The following SLC8A1 variants were observed in gnomAD, a reference collection of about 807,000 sequenced individuals.
The protein encoded by SLC8A1 is sodium/calcium exchanger 1.
Under a neutral mutation model 68.3 loss-of-function variants are expected in SLC8A1, and 18 were observed. The observed-to-expected ratio is 0.26, with a 90% CI of 0.18 to 0.39. SLC8A1 has a LOEUF of 0.39. Ranked by LOEUF, SLC8A1 falls within the 10% of genes least tolerant of loss-of-function variation. SLC8A1 has a pLI of 1.00. For missense variants in SLC8A1, 985 were observed against 1,156.7 expected, an observed-to-expected ratio of 0.85 and a Z score of 2.15; for synonymous variants, 475 against 415.5, an observed-to-expected ratio of 1.14 and a Z score of -1.74.
chr2:40,257,767 G>A (rs1390928428), intron 2 of SLC8A1, among the ~76,000 whole-genome samples: 1 of 152,202 alleles, frequency 6.6e-6, no homozygotes, highest in African/African-American at 2.4e-5. Flanking sequence ...GAACCAAATT[G>A]TCCTTTTTCT....
chr2:40,284,673 C>T (rs1187179031), intron 2 of SLC8A1, among the ~76,000 whole-genome samples: 3 of 134,502 alleles, frequency 2.2e-5, no homozygotes, highest in Admixed American at 7.6e-5. Flanking sequence ...TATATATATA[C>T]ACACACACAA....
At chr2:40,253,126 C>CATGTATATAT (rs1558968482) in intron 2 of SLC8A1, among the ~76,000 whole-genome samples, 1 of 107,508 alleles carries the variant, frequency 9.3e-6, no homozygotes, top group Non-Finnish European at 1.8e-5. Context: ...TACATATATA[C>CATGTATATAT]ACGTATATAT....
intron 2 of SLC8A1, among the ~76,000 whole-genome samples, chr2:40,239,832 C>A (rs1351720821): frequency 6.6e-6 from 1 of 152,136 alleles, no homozygotes; most frequent in East Asian, 1.9e-4. Context: ...TTTCAGTATC[C>A]TCCTTAGTGT....
intron 2 of SLC8A1, among the ~76,000 whole-genome samples, chr2:40,179,627 A>T: frequency 6.6e-6 from 1 of 152,248 alleles, no homozygotes; most frequent in East Asian, 1.9e-4. Flanking sequence ...TTTTGAAACA[A>T]TGAGTGTTTG....
intron 5 of SLC8A1, 124 bp from the exon 9 acceptor site, chr2:40,160,988 C>T: frequency 1.5e-6 from 1 of 659,066 alleles, no homozygotes; most frequent in Non-Finnish European, 2.7e-6. Context: ...CTCAAAACAA[C>T]AGTATTGACA....
intron 6 of SLC8A1, among the ~76,000 whole-genome samples, chr2:40,152,236 G>C (rs1000861377): frequency 1.3e-5 from 2 of 152,126 alleles, no homozygotes; most frequent in Non-Finnish European, 2.9e-5. Flanking sequence ...TGAATCTTTT[G>C]TATCACTCTC....
At chr2:40,275,307 G>A (rs1322434388) in intron 2 of SLC8A1, among the ~76,000 whole-genome samples, 1 of 152,188 alleles carries the variant, frequency 6.6e-6, no homozygotes, top group Non-Finnish European at 1.5e-5. Context: ...GTTATTATCT[G>A]ACCAAAGGAG....
intron 2 of SLC8A1, among the ~76,000 whole-genome samples, chr2:40,277,495 C>T (rs919815350): frequency 3.3e-5 from 5 of 151,776 alleles, no homozygotes; most frequent in South Asian, 2.1e-4. Flanking sequence ...AGCTGAGATA[C>T]GACCACTGCC....
intron 2 of SLC8A1, among the ~76,000 whole-genome samples, chr2:40,287,582 A>ATG (rs10522914): frequency 0.092 from 11,692 of 127,480 alleles, 674 homozygotes; most frequent in Admixed American, 0.16. Context: ...CAGAGGAATG[A>ATG]TGTGTGTGTG....
chr2:40,254,780 A>G (rs1009095259), intron 2 of SLC8A1: 1 of 152,330 alleles, frequency 6.6e-6, no homozygotes, highest in South Asian at 2.1e-4. Flanking sequence ...GTTCATTTTC[A>G]CAAGATTGAC....
At chr2:40,316,556 C>G (rs1227273858) in intron 2 of SLC8A1, among the ~76,000 whole-genome samples, 2 of 152,008 alleles carry the variant, frequency 1.3e-5, no homozygotes, top group Non-Finnish European at 2.9e-5. Context: ...AAAGCTTTAG[C>G]TGAGATCATG....
chr2:40,409,858 C>T (rs1691545882), intron 2 of SLC8A1, among the ~76,000 whole-genome samples: 1 of 152,152 alleles, frequency 6.6e-6, no homozygotes, highest in African/African-American at 2.4e-5. Context: ...AATTTCATTA[C>T]TGTCTGCCAA....
intron 2 of SLC8A1, among the ~76,000 whole-genome samples, chr2:40,179,476 C>G (rs1384015777): frequency 6.6e-6 from 1 of 152,162 alleles, no homozygotes; most frequent in African/African-American, 2.4e-5. Context: ...TGAAAATAAA[C>G]CAACCTAATG....
chr2:40,310,647 G>C (rs895183125), intron 2 of SLC8A1, among the ~76,000 whole-genome samples: 5 of 152,096 alleles, frequency 3.3e-5, no homozygotes, highest in Non-Finnish European at 7.4e-5. Context: ...TTAGCACCAT[G>C]GTTTTGAAGA....
chr2:40,415,469 A>G (rs1693527535), intron 2 of SLC8A1, among the ~76,000 whole-genome samples: 1 of 151,980 alleles, frequency 6.6e-6, no homozygotes, highest in South Asian at 2.1e-4. Context: ...TTGACTAGCA[A>G]ACCACTGGAG....
chr2:40,146,102 C>T (rs938588545), intron 6 of SLC8A1, among the ~76,000 whole-genome samples: 1 of 152,146 alleles, frequency 6.6e-6, no homozygotes. Context: ...GAAGACACTT[C>T]CTATCAACGA....
At chr2:40,173,415 G>C (rs1211807741) in intron 4 of SLC8A1, among the ~76,000 whole-genome samples, 2 of 152,166 alleles carry the variant, frequency 1.3e-5, no homozygotes, top group Admixed American at 1.3e-4. Context: ...ACAAAGACTT[G>C]TCCTGTTTAA....
At chr2:40,202,807 G>T (rs1424464458) in intron 2 of SLC8A1, among the ~76,000 whole-genome samples, 5 of 151,976 alleles carry the variant, frequency 3.3e-5, no homozygotes, top group African/African-American at 9.7e-5. Flanking sequence ...TTCATGAATT[G>T]CAATTACCCT....
intron 2 of SLC8A1, among the ~76,000 whole-genome samples, chr2:40,294,477 C>A (rs1356605594): frequency 6.6e-6 from 1 of 151,876 alleles, no homozygotes; most frequent in Non-Finnish European, 1.5e-5. Context: ...ATGAAGTAGA[C>A]CCAAACTTAC....
Sources: gnomAD v4.1 joint callset for allele counts (sites outside exome capture counted in the v4.1 genomes callset) on GRCh38, gnomAD v4.1.1 for gene constraint, MANE v1.5 for transcripts, NCBI Gene and HGNC (gene_info 2026-07-23, HGNC 2026-07-21) for gene names.